PRDM5: variants seen among roughly 807,000 people sequenced by gnomAD.
PRDM5 encodes PR/SET domain 5.
In PRDM5, 56 loss-of-function variants were observed where a neutral mutation model predicts 81.2. The ratio of observed to expected loss-of-function variants is 0.69; its 90% CI spans 0.56 to 0.86. The LOEUF (loss-of-function observed/expected upper bound fraction) is 0.86. Ranked by LOEUF, PRDM5 falls within the 40% of genes least tolerant of loss-of-function variation. The pLI, the probability that PRDM5 is intolerant of heterozygous loss-of-function variation, is 0.00. For missense variants in PRDM5, 697 were observed against 770.1 expected (o/e 0.91, Z 1.12); for synonymous variants, 267 against 256.4 (o/e 1.04, Z -0.39).
At chr4:120,908,752 C>T (rs1372170334) in intron 1 of PRDM5, among the ~76,000 whole-genome samples, 5 of 152,106 alleles carry the variant, frequency 3.3e-5, no homozygotes, top group Non-Finnish European at 5.9e-5. Context: ...ACAGGCATAG[C>T]AAAGAAACAG....
intron 2 of PRDM5, among the ~76,000 whole-genome samples, chr4:120,881,323 C>T (rs1584594): frequency 0.016 from 2,368 of 152,220 alleles, 50 homozygotes; most frequent in African/African-American, 0.05. Context: ...TATTGGCAAA[C>T]GGCACAAATC....
chr4:120,769,384 G>T (rs1392797461), intron 13 of PRDM5, among the ~76,000 whole-genome samples: 2 of 152,100 alleles, frequency 1.3e-5, no homozygotes, highest in African/African-American at 4.8e-5. Flanking sequence ...ACAAGGCAGG[G>T]GTAGGGGACA....
chr4:120,838,876 T>A, intron 3 of PRDM5: 1 of 258,278 alleles, frequency 3.9e-6, no homozygotes, highest in East Asian at 7.1e-5. Context: ...CAAGGGAGAC[T>A]GCATGGAGCG....
At chr4:120,707,952 C>T (rs1310875993) in intron 15 of PRDM5, among the ~76,000 whole-genome samples, 1 of 151,624 alleles carries the variant, frequency 6.6e-6, no homozygotes, top group Non-Finnish European at 1.5e-5. Flanking sequence ...TAAATCAAAA[C>T]CATGGTCAGA....
At chr4:120,734,486 G>A (rs1211519482) in intron 14 of PRDM5, among the ~76,000 whole-genome samples, 1 of 151,306 alleles carries the variant, frequency 6.6e-6, no homozygotes, top group Non-Finnish European at 1.5e-5. Context: ...GCAAACACTA[G>A]CCTAAACAAA....
chr4:120,760,002 T>C (rs945357363), intron 13 of PRDM5, among the ~76,000 whole-genome samples: 2 of 152,220 alleles, frequency 1.3e-5, no homozygotes, highest in African/African-American at 4.8e-5. Context: ...ATCTAAGTAT[T>C]CATATCCCTA....
intron 13 of PRDM5, among the ~76,000 whole-genome samples, chr4:120,772,438 A>G (rs1747434131): frequency 6.6e-6 from 1 of 152,214 alleles, no homozygotes; most frequent in African/African-American, 2.4e-5. Context: ...CCTATGCAAA[A>G]GTAGAGTCAA....
intron 14 of PRDM5, among the ~76,000 whole-genome samples, chr4:120,715,569 T>C (rs1737625758): frequency 6.6e-6 from 1 of 152,334 alleles, no homozygotes; most frequent in South Asian, 2.1e-4. Flanking sequence ...AAAGGTAGTT[T>C]TAAGTATTTG....
At chr4:120,806,237 T>G (rs985633495) in intron 8 of PRDM5, among the ~76,000 whole-genome samples, 1 of 152,162 alleles carries the variant, frequency 6.6e-6, no homozygotes, top group Admixed American at 6.5e-5. Context: ...TGCTCACGGA[T>G]AGGAAGAATC....
intron 14 of PRDM5, among the ~76,000 whole-genome samples, chr4:120,722,604 G>A (rs1219034730): frequency 6.6e-6 from 1 of 152,114 alleles, no homozygotes; most frequent in African/African-American, 2.4e-5. Flanking sequence ...CATGGTCTGA[G>A]GTATGGCCTG....
intron 3 of PRDM5, among the ~76,000 whole-genome samples, chr4:120,839,733 CCTAT>C (rs1233230111): frequency 6.6e-6 from 1 of 152,200 alleles, no homozygotes; most frequent in African/African-American, 2.4e-5. Context: ...TGCCCAGGAG[CCTAT>C]CTGCCTCCTG....
chr4:120,862,901 G>A (rs1760765073), intron 2 of PRDM5, among the ~76,000 whole-genome samples: 1 of 151,972 alleles, frequency 6.6e-6, no homozygotes, highest in Non-Finnish European at 1.5e-5. Flanking sequence ...GCTCACGCCT[G>A]TAATCTCCGC....
intron 14 of PRDM5, among the ~76,000 whole-genome samples, chr4:120,750,872 A>G (rs768782071): frequency 2.6e-5 from 4 of 152,212 alleles, no homozygotes; most frequent in African/African-American, 4.8e-5. Flanking sequence ...AAGAATTTAA[A>G]ATAATTACAA....
At position 120,808,848 on chromosome 4, in the gene PRDM5, C is replaced by T. The variant is rs150237194; in HGVS notation, c.945+2522G>A. On this transcript the variant is annotated intron_variant, in intron 8 of 15. Transcript: ENST00000264808. ...CACTGCCCAGGGTTTGCGGGCTGGC[C>T]GGCTGCTTCAAGTGAGGGGCCCACC... 3.9e-5 allele frequency among the ~76,000 whole-genome samples: 6 copies of T among 152,310 alleles called. No individual in the cohort carries two copies. In the East Asian group the frequency reaches 5.8e-4, roughly 15 times the overall value.
At chr4:120,870,094 G>A (rs343209) in intron 2 of PRDM5, among the ~76,000 whole-genome samples, 64,828 of 151,606 alleles carry the variant, frequency 0.43, 14,106 homozygotes, top group Non-Finnish European at 0.47. Flanking sequence ...GAGAAACAGC[G>A]AGATAAAGGA....
intron 10 of PRDM5, among the ~76,000 whole-genome samples, chr4:120,794,029 G>A (rs1404474839): frequency 6.6e-6 from 1 of 152,206 alleles, no homozygotes; most frequent in Non-Finnish European, 1.5e-5. Flanking sequence ...AATAAGGCAA[G>A]CAATTTGCCA....
intron 1 of PRDM5, among the ~76,000 whole-genome samples, chr4:120,917,199 C>T (rs1251378797): frequency 1.3e-5 from 2 of 152,168 alleles, no homozygotes; most frequent in African/African-American, 4.8e-5. Flanking sequence ...GTGCTTGGAC[C>T]ACAACAGGCA....
chr4:120,687,636 C>T (rs1051169531), downstream of PRDM5, among the ~76,000 whole-genome samples: 4 of 152,140 alleles, frequency 2.6e-5, no homozygotes, highest in South Asian at 2.1e-4. Flanking sequence ...GATAATACTA[C>T]GGTTTGAATC....
intron 14 of PRDM5, among the ~76,000 whole-genome samples, chr4:120,723,923 ATTTTTTTTTTTTTTTT>A (rs70948360): frequency 1.2e-5 from 1 of 81,278 alleles, no homozygotes; most frequent in Non-Finnish European, 2.3e-5. Context: ...GATAGCTTGA[ATTTTTTTTTTTTTTTT>A]TTTTTTTTTT....
Sources: allele counts gnomAD v4.1 joint callset (sites outside exome capture counted in the v4.1 genomes callset), GRCh38; gene constraint gnomAD v4.1.1; transcripts MANE v1.5; gene names NCBI Gene and HGNC (gene_info 2026-07-23, HGNC 2026-07-21).